PIH1D2: variants seen among roughly 807,000 people sequenced by gnomAD.
PIH1D2 encodes PIH1 domain-containing protein 2.
Under a neutral mutation model 31.2 loss-of-function variants are expected in PIH1D2, and 25 were observed. The observed-to-expected ratio is 0.80, with a 90% CI of 0.58 to 1.12. The LOEUF (loss-of-function observed/expected upper bound fraction) is 1.12. Ranked by LOEUF, PIH1D2 falls within the 50% of genes most tolerant of loss-of-function variation. PIH1D2 has a pLI of 0.00. For synonymous variants in PIH1D2, 116 were observed against 119.9 expected (o/e 0.97, Z 0.21); for missense variants, 310 against 356.6 (o/e 0.87, Z 1.05).
downstream of PIH1D2, chr11:112,062,610 A>G: frequency 3.3e-6 from 5 of 1,517,714 alleles, no homozygotes; most frequent in African/African-American, 4.1e-5. Context: ...GTTATTAAAC[A>G]GGTGGTTCTT....
chr11:112,067,685 A>AAAAAAATATATATAT, downstream of PIH1D2: 8 of 17,800 alleles, frequency 4.5e-4, no homozygotes, highest in African/African-American at 1.0e-3. Flanking sequence ...AAAAAAAAAA[A>AAAAAAATATATATAT]ATATATATAT....
chr11:112,067,685 A>AAATATATATAT, downstream of PIH1D2: 2 of 17,808 alleles, frequency 1.1e-4, no homozygotes, highest in African/African-American at 1.7e-4. Flanking sequence ...AAAAAAAAAA[A>AAATATATATAT]ATATATATAT....
intron 5 of PIH1D2, among the ~76,000 whole-genome samples, chr11:112,068,330 T>C (rs471526): frequency 0.035 from 5,380 of 152,272 alleles, 330 homozygotes; most frequent in African/African-American, 0.12. Flanking sequence ...AGTGAAACTA[T>C]CACAGTAATT....
chr11:112,063,375 G>C (rs993716606), downstream of PIH1D2: 1 of 152,446 alleles, frequency 6.6e-6, no homozygotes, highest in Non-Finnish European at 1.5e-5. Flanking sequence ...TGAACATAAT[G>C]AACAGAATTT....
At chr11:112,063,991 G>T, downstream of PIH1D2, 2 of 566,180 alleles carry the variant, frequency 3.5e-6, no homozygotes, top group Non-Finnish European at 6.0e-6. Flanking sequence ...TTATTACATG[G>T]TACACAAGTG....
In PIH1D2 at chr11:112,072,990, C is replaced by T. The variant is rs12273646; in HGVS notation, c.177+8G>A. On this transcript the variant is annotated splice_region_variant and intron_variant, in intron 2 of 5. Coordinates refer to ENST00000280350, the MANE Select transcript of PIH1D2 (RefSeq NM_138789.4). ...GACCTCCCCATCCCTGGCACCAACT[C>T]GACATACCAGAATCCTGGTCTGTAG... is the stretch of plus-strand genomic sequence containing the variant. 1.1e-4 allele frequency: 181 copies of T among 1,594,282 alleles called. No individual in the cohort carries two copies. The African/African-American group carries it at 1.2e-3, about 10-fold the overall frequency.
chr11:112,070,169 T>G (rs1865063860), intron 5 of PIH1D2: 3 of 583,166 alleles, frequency 5.1e-6, no homozygotes, highest in Admixed American at 3.0e-5. Flanking sequence ...CCTTGTGACT[T>G]ACTTTGGCCA....
At chr11:112,060,930 C>G, downstream of PIH1D2, 1 of 978,574 alleles carries the variant, frequency 1.0e-6, no homozygotes, top group Non-Finnish European at 1.5e-6. Context: ...TCAGGCCTTT[C>G]TTAAGACCTT....
downstream of PIH1D2, chr11:112,064,084 T>C (rs1864802957): frequency 8.6e-7 from 1 of 1,166,406 alleles, no homozygotes; most frequent in African/African-American, 1.6e-5. Flanking sequence ...CAGTAATTAG[T>C]AATTTTAGGT....
downstream of PIH1D2, among the ~76,000 whole-genome samples, chr11:112,060,412 A>C (rs1555183092): frequency 6.6e-6 from 1 of 151,532 alleles, no homozygotes; most frequent in Non-Finnish European, 1.5e-5. Flanking sequence ...CGCCTGCCTC[A>C]GCCTCCCAAA....
At chr11:112,053,936 G>A in the PIH1D2 span, among the ~76,000 whole-genome samples, 1 of 152,082 alleles carries the variant, frequency 6.6e-6, no homozygotes, top group Non-Finnish European at 1.5e-5. Flanking sequence ...AAAAAAAAAG[G>A]TAGGTTTGTT....
downstream of PIH1D2, chr11:112,061,140 G>C (rs1387684777): frequency 1.9e-6 from 3 of 1,613,978 alleles, no homozygotes; most frequent in African/African-American, 4.0e-5. Context: ...TGGTGCTTCA[G>C]AGGATAAACT....
At chr11:112,066,890 CT>C (rs1864942412), downstream of PIH1D2, among the ~76,000 whole-genome samples, 2 of 151,996 alleles carry the variant, frequency 1.3e-5, no homozygotes, top group African/African-American at 4.8e-5. Context: ...TGGTGAAACC[CT>C]TTCTCTACTA....
Position 112,071,632 on chromosome 11 carries a change from T to A in PIH1D2, c.301+3A>T, listed in dbSNP as rs1865115767. 6.2e-7 allele frequency: 1 copy of A among 1,613,116 alleles called. No individual in the cohort carries two copies. Among genetic ancestry groups the A allele is most frequent in the African/African-American group, 1.3e-5 (1 of 74,938 alleles). On this transcript the variant is annotated splice_donor_region_variant and intron_variant, in intron 3 of 5. Coordinates refer to ENST00000280350, the MANE Select transcript of PIH1D2 (RefSeq NM_138789.4). ...CAATGTGCTTTCTCTCAATTATTTGTACCTGATATCTCAGTTGTATCTTCT... is the reference window on the plus strand; with the variant it reads ...CAATGTGCTTTCTCTCAATTATTTGAACCTGATATCTCAGTTGTATCTTCT...
At chr11:112,068,074 TA>T in intron 5 of PIH1D2, 69 bp from the exon 6 acceptor site, 3 of 1,078,098 alleles carry the variant, frequency 2.8e-6, no homozygotes, top group Non-Finnish European at 2.7e-6. Flanking sequence ...TGTTCCCAGT[TA>T]TTCACTCCTT....
chr11:112,064,133 C>T (rs781926950), downstream of PIH1D2: 2 of 1,482,960 alleles, frequency 1.3e-6, no homozygotes, highest in South Asian at 2.6e-5. Context: ...TCACAAGGGA[C>T]CATCATCAAT....
downstream of PIH1D2, among the ~76,000 whole-genome samples, chr11:112,067,553 T>TGAGATTG (rs1337597061): frequency 5.7e-4 from 84 of 146,366 alleles, no homozygotes; most frequent in Non-Finnish European, 9.0e-5. Context: ...TAATCCCAGC[T>TGAGATTG]ACTCGGGAGG....
rs1462986209 is a variant in PIH1D2, at chr11:112,070,587, ATCTCT to A, written c.657_661del (p.Glu219AspfsTer5). 6.2e-7 allele frequency: 1 copy of A among 1,613,998 alleles called. No individual in the cohort carries two copies. The highest frequency in any genetic ancestry group is 1.3e-5 in the African/African-American group (1 of 74,912). ...CTCCACCTGGATTTCAGTACTGGAA[ATCTCT>A]TCTATCAGACACACTGCTTTGCCTG... On this transcript the variant is annotated frameshift_variant, in exon 5 of 6. Transcript: ENST00000280350. LOFTEE classifies it high-confidence loss of function.
At chr11:112,067,526 G>A (rs931601848), downstream of PIH1D2, among the ~76,000 whole-genome samples, 8 of 149,696 alleles carry the variant, frequency 5.3e-5, no homozygotes, top group South Asian at 1.1e-3. Flanking sequence ...ATAGCTGGGC[G>A]TGGTGGTGCA....
Sources: allele counts gnomAD v4.1 joint callset (sites outside exome capture counted in the v4.1 genomes callset), GRCh38; gene constraint gnomAD v4.1.1; transcripts MANE v1.5; gene names NCBI Gene and HGNC (gene_info 2026-07-23, HGNC 2026-07-21).